DRGX: variants seen among roughly 807,000 people sequenced by gnomAD.
DRGX encodes the protein dorsal root ganglia homeobox.
Under a neutral mutation model 28.6 loss-of-function variants are expected in DRGX, and 21 were observed. The ratio of observed to expected loss-of-function variants is 0.73; its 90% CI spans 0.52 to 1.06. The LOEUF (loss-of-function observed/expected upper bound fraction) is 1.06, where lower values mean the gene tolerates loss of function less well. Ranked by LOEUF, DRGX falls within the 50% of genes least tolerant of loss-of-function variation. The pLI, the probability that DRGX is intolerant of heterozygous loss-of-function variation, is 0.00. For synonymous variants in DRGX, 136 were observed against 139.1 expected (o/e 0.98, Z 0.16); for missense variants, 354 against 343.9 (o/e 1.03, Z -0.23).
In DRGX at chr10:49,365,031, C is replaced by T. The variant is rs1034784465; in HGVS notation, c.*1085G>A. The stretch of plus-strand genomic sequence containing the variant: ...AGCCACACTAGACCAAAACAGAAAT[C>T]TCTGTGAAATTTGGCCCTTTGGAAT... On this transcript the variant is annotated 3_prime_UTR_variant, in exon 7 of 7. Transcript: ENST00000374139. The T allele has an allele frequency of 6.6e-6, 1 of 152,244 alleles. No homozygotes were observed. Among genetic ancestry groups the T allele is most frequent in the Non-Finnish European group, 1.5e-5 (1 of 68,086 alleles). 9.4% of individuals were successfully genotyped at this position (152,244 alleles called of 1,614,324 possible).
At chr10:49,395,383 C>T (rs1046542378) in intron 2 of DRGX, 24 bp downstream of exon 2, 1 of 1,548,476 alleles carries the variant, frequency 6.5e-7, no homozygotes. Flanking sequence ...TTCATGGAGA[C>T]CCTGGGGCGC....
intron 6 of DRGX, among the ~76,000 whole-genome samples, chr10:49,381,893 G>T (rs780365431): frequency 1.5e-4 from 23 of 152,232 alleles, no homozygotes; most frequent in Non-Finnish European, 2.6e-4. Context: ...CCTGGGGAAG[G>T]AGACTAGCAC....
intron 4 of DRGX, among the ~76,000 whole-genome samples, chr10:49,388,394 C>A (rs1158080907): frequency 1.3e-5 from 2 of 152,260 alleles, no homozygotes; most frequent in Non-Finnish European, 2.9e-5. Context: ...AGCCTGGGTC[C>A]TTGAGGCTGA....
At position 49,391,125 on chromosome 10, in the gene DRGX, G is replaced by A; in HGVS notation, c.132+39C>T. The A allele has an allele frequency of 1.9e-6, 3 of 1,597,018 alleles. No individual in the cohort carries two copies. The South Asian group carries it at 3.3e-5, about 18-fold the overall frequency. On this transcript the variant is annotated intron_variant, in intron 3 of 6. Coordinates refer to ENST00000374139, the MANE Select transcript of DRGX (RefSeq NM_001276451.2). ...CTCAACTTTGATTTGGGGGAGGTAG[G>A]AAGTAGCTGATGTTTGAAAGGAGAA...
chr10:49,374,409 C>T (rs1447483678), intron 6 of DRGX, among the ~76,000 whole-genome samples: 3 of 152,178 alleles, frequency 2.0e-5, no homozygotes, highest in Non-Finnish European at 4.4e-5. Flanking sequence ...TGAGTCCCTT[C>T]CTGCCTGCTC....
chr10:49,367,058 A>C (rs1849609187), intron 6 of DRGX, among the ~76,000 whole-genome samples: 1 of 152,236 alleles, frequency 6.6e-6, no homozygotes, highest in Non-Finnish European at 1.5e-5. Flanking sequence ...AATAGTGGCT[A>C]TTTAAAAATG....
chr10:49,388,299 A>G (rs1391750935), intron 4 of DRGX, among the ~76,000 whole-genome samples: 1 of 152,174 alleles, frequency 6.6e-6, no homozygotes, highest in Non-Finnish European at 1.5e-5. Context: ...ACTACAAAGA[A>G]AAAAGAAATG....
At chr10:49,380,148 C>T (rs922181152) in intron 6 of DRGX, among the ~76,000 whole-genome samples, 27 of 152,230 alleles carry the variant, frequency 1.8e-4, no homozygotes, top group Non-Finnish European at 1.6e-4. Flanking sequence ...GGCAGGCTGT[C>T]CTGCCCAGTG....
chr10:49,387,679 A>G (rs1289042987), intron 4 of DRGX, among the ~76,000 whole-genome samples: 2 of 148,960 alleles, frequency 1.3e-5, no homozygotes, highest in South Asian at 2.1e-4. Flanking sequence ...AAAAAAAAAG[A>G]CAGAAAGAAA....
At chr10:49,375,368 GGAGA>G (rs1369076686) in intron 6 of DRGX, among the ~76,000 whole-genome samples, 3 of 152,218 alleles carry the variant, frequency 2.0e-5, no homozygotes, top group Non-Finnish European at 4.4e-5. Context: ...AGGGAGAAAA[GGAGA>G]GAGAATCTAT....
intron 6 of DRGX, among the ~76,000 whole-genome samples, chr10:49,379,554 C>A (rs905774145): frequency 6.6e-6 from 1 of 152,348 alleles, no homozygotes; most frequent in African/African-American, 2.4e-5. Context: ...CCTTTGTGGA[C>A]AAACGCTATG....
At position 49,364,634 on chromosome 10, in the gene DRGX, TCAACAAG is replaced by T. The variant is rs374434529; in HGVS notation, c.*1475_*1481del. On this transcript the variant is annotated 3_prime_UTR_variant, in exon 7 of 7. Coordinates refer to ENST00000374139, the MANE Select transcript of DRGX (RefSeq NM_001276451.2). The stretch of plus-strand genomic sequence containing the variant: ...TTGGCAAATCGTTTCATCTTTATAC[TCAACAAG>T]CAAAATACAGCAGGAAGAAGGATTT... 1.6e-3 allele frequency: 251 copies of T among 152,272 alleles called. No homozygotes were observed. The highest frequency in any genetic ancestry group is 5.9e-3 in the African/African-American group (245 of 41,538). The allele number at this position is 152,272 out of a possible 1,614,324, so 9.4% of individuals were successfully genotyped here. A position where few individuals can be genotyped will look rare whatever the true frequency, so the allele number is the denominator to read the frequency against.
intron 6 of DRGX, among the ~76,000 whole-genome samples, chr10:49,383,433 G>A (rs1037398950): frequency 6.6e-6 from 1 of 152,192 alleles, no homozygotes; most frequent in African/African-American, 2.4e-5. Context: ...GCTGGGGGCA[G>A]GAGGTAGGTA....
chr10:49,389,988 T>A lies in DRGX; in HGVS notation c.234+145A>T. 6.0e-6 allele frequency: 4 copies of A among 671,486 alleles called. No homozygotes were observed. The Middle Eastern group carries it at 1.0e-3, about 175-fold the overall frequency. 41.6% of individuals were successfully genotyped at this position (671,486 alleles called of 1,614,324 possible). ...ACCTAATCTAATATTCCACATTATG[T>A]TGATGTTATTAAAGTGCATCATGAA... is the stretch of plus-strand genomic sequence containing the variant. On this transcript the variant is annotated intron_variant, in intron 4 of 6. Coordinates refer to ENST00000374139, the MANE Select transcript of DRGX (RefSeq NM_001276451.2).
At chr10:49,384,495 C>T (rs564896254) in intron 6 of DRGX, among the ~76,000 whole-genome samples, 45 of 152,306 alleles carry the variant, frequency 3.0e-4, no homozygotes, top group African/African-American at 9.9e-4. Flanking sequence ...AAGGCAGCAA[C>T]AGAGAAAAGT....
chr10:49,382,017 G>A (rs1325737649), intron 6 of DRGX, among the ~76,000 whole-genome samples: 4 of 152,102 alleles, frequency 2.6e-5, no homozygotes, highest in African/African-American at 9.7e-5. Context: ...GGGCCCCAGG[G>A]CTCAGCCCAC....
At chr10:49,370,571 T>C (rs1163902889) in intron 6 of DRGX, among the ~76,000 whole-genome samples, 2 of 152,142 alleles carry the variant, frequency 1.3e-5, no homozygotes, top group African/African-American at 2.4e-5. Flanking sequence ...ATGTGGCAAA[T>C]GAGCCCTGGC....
At chr10:49,370,112 AAG>A (rs1849640352) in intron 6 of DRGX, among the ~76,000 whole-genome samples, 1 of 152,142 alleles carries the variant, frequency 6.6e-6, no homozygotes, top group Non-Finnish European at 1.5e-5. Context: ...ACTGAGCAAC[AAG>A]AGTCTTGGGG....
rs1222343217 is a variant in DRGX, at chr10:49,386,546, C to G, written c.458G>C (p.Cys153Ser). The G allele has an allele frequency of 6.3e-7, 1 of 1,590,192 alleles. No homozygotes were observed. Residue 153 changes from cysteine (C) to serine (S), a missense_variant, in exon 6 of 7, where the codon TGC becomes TCC. By Grantham distance (112) the Cys-to-Ser change is moderately radical. Transcript: ENST00000374139. The stretch of plus-strand genomic sequence containing the variant: ...CGTGTTCAGGAGAGTCCCCGGCAAG[C>G]AGGAGGGGAAGAAAGGCCCTGCAGG... ...VGPAGPFFPS[C>S]LPGTLLNTAT...
Sources: allele counts gnomAD v4.1 joint callset (sites outside exome capture counted in the v4.1 genomes callset), GRCh38; gene constraint gnomAD v4.1.1; transcripts MANE v1.5; gene names NCBI Gene and HGNC (gene_info 2026-07-23, HGNC 2026-07-21).